SLIT3: variants seen among roughly 807,000 people sequenced by gnomAD.
SLIT3 encodes slit guidance ligand 3, also known as slit homolog 3 protein.
A neutral mutation model predicts 184.0 loss-of-function variants in SLIT3; 68 were observed. That is an observed-to-expected ratio of 0.37 (90% confidence interval 0.30 to 0.45). The LOEUF (loss-of-function observed/expected upper bound fraction) is 0.45. Ranked by LOEUF, SLIT3 falls within the 20% of genes least tolerant of loss-of-function variation. The pLI, the probability that SLIT3 is intolerant of heterozygous loss-of-function variation, is 1.00. For missense variants in SLIT3, 1,707 were observed against 2,026.0 expected, an observed-to-expected ratio of 0.84 and a Z score of 3.02; for synonymous variants, 831 against 828.6, an observed-to-expected ratio of 1.00 and a Z score of -0.05.
intron 4 of SLIT3, among the ~76,000 whole-genome samples, chr5:169,173,559 T>C (rs895371219): frequency 1.3e-5 from 2 of 152,144 alleles, no homozygotes; most frequent in East Asian, 1.9e-4. Context: ...CTCACATTAT[T>C]TTCCCAGTCT....
intron 4 of SLIT3, among the ~76,000 whole-genome samples, chr5:168,951,104 C>T (rs575439553): frequency 5.9e-5 from 9 of 152,206 alleles, no homozygotes; most frequent in South Asian, 2.1e-4. Context: ...CCTGTAATCC[C>T]GGCTACTCAG....
intron 29 of SLIT3, 85 bp downstream of exon 29, chr5:168,692,522 A>G: frequency 1.2e-6 from 1 of 812,284 alleles, no homozygotes; most frequent in Admixed American, 1.9e-5. Flanking sequence ...GAGCATGCAG[A>G]GAGACCAGAG....
chr5:168,772,792 A>G lies in SLIT3; in HGVS notation c.1448T>C (p.Phe483Ser). The change falls in exon 14 of 36, where the codon TTC (phenylalanine) becomes TCC (serine). Residue 483 changes from phenylalanine to serine, a missense_variant. By Grantham distance (155) the Phe-to-Ser change is radical. Coordinates refer to ENST00000519560, the MANE Select transcript of SLIT3 (RefSeq NM_003062.4). ...CGTAACCTGATTACCTGAGCAGCGG[A>G]ACTTCTTGCTCTTGATCTGGCTGAT... is the stretch of plus-strand genomic sequence containing the variant. ...KRISQIKSKKFRCSGSEDYRS... is the reference protein window; with the variant it reads ...KRISQIKSKKSRCSGSEDYRS... The G allele has an allele frequency of 1.2e-6, 2 of 1,614,106 alleles. No individual in the cohort carries two copies. Among genetic ancestry groups the G allele is most frequent in the Non-Finnish European group, 1.7e-6 (2 of 1,180,020 alleles).
chr5:169,183,366 C>A (rs978878794), intron 4 of SLIT3, among the ~76,000 whole-genome samples: 4 of 152,164 alleles, frequency 2.6e-5, no homozygotes, highest in African/African-American at 9.7e-5. Context: ...GCTTGTCTTG[C>A]CATCAGCTGT....
intron 4 of SLIT3, among the ~76,000 whole-genome samples, chr5:169,190,715 A>G (rs1353577441): frequency 6.6e-6 from 1 of 152,222 alleles, no homozygotes; most frequent in African/African-American, 2.4e-5. Flanking sequence ...AGCCACCCAC[A>G]TAGAATCCAC....
At chr5:169,007,386 G>A (rs914880100) in intron 4 of SLIT3, among the ~76,000 whole-genome samples, 1 of 152,128 alleles carries the variant, frequency 6.6e-6, no homozygotes, top group Non-Finnish European at 1.5e-5. Context: ...ACAATTCCAG[G>A]GGCTCTGCCC....
intron 4 of SLIT3, among the ~76,000 whole-genome samples, chr5:169,084,846 AC>A (rs907708567): frequency 6.6e-6 from 1 of 152,054 alleles, no homozygotes; most frequent in African/African-American, 2.4e-5. Flanking sequence ...GTTGGCTTCC[AC>A]TGGGAGGAAG....
At chr5:169,057,635 C>A (rs940903606) in intron 4 of SLIT3, among the ~76,000 whole-genome samples, 1 of 152,192 alleles carries the variant, frequency 6.6e-6, no homozygotes, top group East Asian at 1.9e-4. Context: ...GGTCTGGACA[C>A]GGCACTGGCC....
rs139504363 is a variant in SLIT3, at chr5:169,020,982, T to C, written c.414-137646A>G. On this transcript the variant is annotated intron_variant, in intron 4 of 35. Transcript: ENST00000519560. ...GTGAAGTGTCAGGGTTAGAGTCCTA[T>C]AGAAGACTATGAAGTAGGGAGGAAA... is the stretch of plus-strand genomic sequence containing the variant. 8.7e-4 allele frequency among the ~76,000 whole-genome samples: 132 copies of C among 152,312 alleles called. 2 individuals are homozygous for C. The highest frequency in any genetic ancestry group is 3.1e-3 in the African/African-American group (128 of 41,574).
intron 20 of SLIT3, 133 bp downstream of exon 20, chr5:168,748,169 T>C: frequency 9.6e-7 from 1 of 1,043,424 alleles, no homozygotes; most frequent in Admixed American, 3.1e-5. Context: ...GCCATCTTGC[T>C]GGGATCCATT....
chr5:168,863,855 G>A (rs535589263), intron 5 of SLIT3, among the ~76,000 whole-genome samples: 13 of 152,276 alleles, frequency 8.5e-5, no homozygotes, highest in African/African-American at 2.9e-4. Context: ...AAGTTGAGAA[G>A]TTTGCCTTTC....
At chr5:168,766,190 T>G (rs1021354571) in intron 14 of SLIT3, among the ~76,000 whole-genome samples, 3 of 152,182 alleles carry the variant, frequency 2.0e-5, no homozygotes, top group African/African-American at 7.2e-5. Context: ...GAGTCATAAA[T>G]TCATTGTTAT....
chr5:168,892,642 G>A (rs1406780129), intron 4 of SLIT3, among the ~76,000 whole-genome samples: 2 of 152,178 alleles, frequency 1.3e-5, no homozygotes, highest in Non-Finnish European at 2.9e-5. Flanking sequence ...TGCAGCCATA[G>A]GATTTAATCT....
intron 4 of SLIT3, among the ~76,000 whole-genome samples, chr5:169,143,349 A>G (rs1761807066): frequency 6.6e-6 from 1 of 152,228 alleles, no homozygotes; most frequent in Non-Finnish European, 1.5e-5. Context: ...TTGAAGATGT[A>G]GAAACTGATT....
chr5:168,872,486 G>A (rs1759560830), intron 5 of SLIT3, among the ~76,000 whole-genome samples: 1 of 151,962 alleles, frequency 6.6e-6, no homozygotes, highest in African/African-American at 2.4e-5. Context: ...GAAACTGTAT[G>A]GTTGTGTGTT....
intron 4 of SLIT3, among the ~76,000 whole-genome samples, chr5:168,902,136 C>T (rs763877765): frequency 5.3e-5 from 8 of 152,080 alleles, no homozygotes; most frequent in Non-Finnish European, 7.4e-5. Flanking sequence ...ATGATCTGCC[C>T]GCCTTGGCCT....
At chr5:169,105,552 G>T (rs895197738) in intron 4 of SLIT3, among the ~76,000 whole-genome samples, 1 of 152,138 alleles carries the variant, frequency 6.6e-6, no homozygotes, top group Admixed American at 6.5e-5. Context: ...CAGCTTCAAG[G>T]GCATCAGGCC....
chr5:169,006,632 A>ACACACACACACACACACACACACAC (rs752430679), intron 4 of SLIT3, among the ~76,000 whole-genome samples: 1 of 132,962 alleles, frequency 7.5e-6, no homozygotes, highest in South Asian at 2.4e-4. Flanking sequence ...CACACACACA[A>ACACACACACACACACACACACACAC]CTCTCCAAGC....
At chr5:168,790,372 C>G (rs1236391911) in intron 10 of SLIT3, 1 of 152,190 alleles carries the variant, frequency 6.6e-6, no homozygotes, top group South Asian at 2.1e-4. Context: ...ATGCTGGGCC[C>G]GGGGTCTGGG....
Sources: allele counts gnomAD v4.1 joint callset (sites outside exome capture counted in the v4.1 genomes callset), GRCh38; gene constraint gnomAD v4.1.1; transcripts MANE v1.5; gene names NCBI Gene and HGNC (gene_info 2026-07-23, HGNC 2026-07-21).